The following WDR7 variants were observed in gnomAD, a reference collection of about 807,000 sequenced individuals.
WDR7 encodes the protein WD repeat domain 7, also known as WD repeat-containing protein 7.
Under a neutral mutation model 169.4 loss-of-function variants are expected in WDR7, and 46 were observed. That is an observed-to-expected ratio of 0.27 (90% CI 0.21 to 0.35). WDR7 has a LOEUF of 0.35. Ranked by LOEUF, WDR7 falls within the 10% of genes least tolerant of loss-of-function variation. The pLI, the probability that WDR7 is intolerant of heterozygous loss-of-function variation, is 1.00. For synonymous variants in WDR7, 612 were observed against 666.8 expected (o/e 0.92, Z 1.27); for missense variants, 1,534 against 1,859.3 (o/e 0.83, Z 3.22).
chr18:56,880,237 C>T (rs1369745400), intron 21 of WDR7, 72 bp downstream of exon 21: 3 of 1,409,190 alleles, frequency 2.1e-6, no homozygotes, highest in African/African-American at 2.9e-5. Context: ...AATCTCATAA[C>T]ATTGACTATA....
chr18:56,754,333 A>G (rs1328013747), intron 14 of WDR7, among the ~76,000 whole-genome samples: 1 of 139,012 alleles, frequency 7.2e-6, no homozygotes, highest in African/African-American at 3.3e-5. Context: ...GTGTATATAT[A>G]CGTATATATG....
intron 25 of WDR7, among the ~76,000 whole-genome samples, chr18:56,950,344 AG>A (rs1262438226): frequency 6.6e-6 from 1 of 152,212 alleles, no homozygotes; most frequent in African/African-American, 2.4e-5. Flanking sequence ...CTGCTAAACT[AG>A]TACGTGTCAG....
intron 21 of WDR7, among the ~76,000 whole-genome samples, chr18:56,910,931 A>G (rs1287286553): frequency 6.6e-6 from 1 of 152,126 alleles, no homozygotes; most frequent in Non-Finnish European, 1.5e-5. Flanking sequence ...GTTATTGTGT[A>G]TCCTTTTGTT....
At position 57,029,678 on chromosome 18, in the gene WDR7, G is replaced by C. The variant is rs957697530; in HGVS notation, c.*2471G>C. On this transcript the variant is annotated 3_prime_UTR_variant, in exon 28 of 28. Coordinates refer to ENST00000254442, the MANE Select transcript of WDR7 (RefSeq NM_015285.3). ...TGATTGAACTCCCTGTGTACAGCGA[G>C]TGAATTAAAATGTCTGCCTCTCCAG... 6.6e-6 allele frequency: 1 copy of C among 152,156 alleles called. No individual in the cohort carries two copies. Among genetic ancestry groups the C allele is most frequent in the African/African-American group, 2.4e-5 (1 of 41,428 alleles). The allele number at this position is 152,156 out of a possible 1,614,324, so 9.4% of individuals were successfully genotyped here. A position where few individuals can be genotyped will look rare whatever the true frequency, so the allele number is the denominator to read the frequency against.
At chr18:56,699,966 A>C in intron 12 of WDR7, 2 of 803,766 alleles carry the variant, frequency 2.5e-6, no homozygotes, top group Non-Finnish European at 3.0e-6. Flanking sequence ...AGCTGTTTTT[A>C]ATATCTTTTT....
intron 20 of WDR7, among the ~76,000 whole-genome samples, chr18:56,819,701 G>C (rs984003542): frequency 1.3e-5 from 2 of 152,068 alleles, no homozygotes; most frequent in African/African-American, 4.8e-5. Context: ...CATGGGAAAT[G>C]TACTTTTCAA....
chr18:56,730,728 T>C (rs922127046), intron 13 of WDR7, among the ~76,000 whole-genome samples: 6 of 152,024 alleles, frequency 3.9e-5, no homozygotes, highest in Non-Finnish European at 8.8e-5. Flanking sequence ...ATCGCGCCAT[T>C]GCACTCCAGC....
intron 26 of WDR7, among the ~76,000 whole-genome samples, chr18:57,003,362 T>A (rs1422927304): frequency 1.3e-5 from 2 of 152,146 alleles, no homozygotes; most frequent in Non-Finnish European, 2.9e-5. Context: ...TGCTTTTAGA[T>A]CTGCCTCAAT....
chr18:56,771,465 T>C (rs2044155430), intron 16 of WDR7, among the ~76,000 whole-genome samples: 1 of 151,962 alleles, frequency 6.6e-6, no homozygotes, highest in African/African-American at 2.4e-5. Context: ...CTCATGCCTT[T>C]AGTCCCAGGA....
intron 16 of WDR7, among the ~76,000 whole-genome samples, chr18:56,772,203 A>G (rs1171617367): frequency 2.0e-5 from 3 of 152,134 alleles, no homozygotes; most frequent in Non-Finnish European, 4.4e-5. Flanking sequence ...TACTATTACT[A>G]TATAGAGTAC....
chr18:56,979,439 A>G (rs961742675), intron 26 of WDR7, among the ~76,000 whole-genome samples: 4 of 152,108 alleles, frequency 2.6e-5, no homozygotes, highest in Non-Finnish European at 5.9e-5. Context: ...GCCCTTTTTG[A>G]TGTCTTTTCA....
At position 56,776,812 on chromosome 18, in the gene WDR7, A is replaced by T. The variant is rs1213545532; in HGVS notation, c.2879A>T (p.Asp960Val). ...VAAPVVSARS[D>V]ADHSGSDPPS... ...GCACCTGTCGTTTCCGCTCGGTCTG[A>T]TGCTGATCACTCTGGCTCTGACCCT... Residue 960 changes from aspartate to valine, a missense_variant, in exon 17 of 28, where the codon GAT (aspartate) becomes GTT (valine). Physicochemically the swap from Asp to Val is radical, Grantham distance 152. Coordinates refer to ENST00000254442, the MANE Select transcript of WDR7 (RefSeq NM_015285.3). 4 of 1,613,842 alleles carry T rather than the reference A, an allele frequency of 2.5e-6. No individual in the cohort carries two copies. Among genetic ancestry groups the T allele is most frequent in the South Asian group, 1.1e-5 (1 of 91,066 alleles).
intron 26 of WDR7, among the ~76,000 whole-genome samples, chr18:56,964,294 C>T (rs986001683): frequency 1.3e-5 from 2 of 150,420 alleles, no homozygotes; most frequent in South Asian, 2.1e-4. Context: ...AAAAGACATT[C>T]TTTCTTAACA....
At chr18:56,709,884 C>A (rs917713159) in intron 12 of WDR7, among the ~76,000 whole-genome samples, 1 of 151,702 alleles carries the variant, frequency 6.6e-6, no homozygotes, top group Admixed American at 6.6e-5. Flanking sequence ...AGTTTTCATT[C>A]CACCTTGATT....
At chr18:56,878,952 TA>T (rs1380517442) in intron 20 of WDR7, among the ~76,000 whole-genome samples, 39 of 152,370 alleles carry the variant, frequency 2.6e-4, no homozygotes, top group African/African-American at 8.9e-4. Flanking sequence ...TGTACAAAAG[TA>T]ATCGCTATTT....
At chr18:56,856,899 A>G (rs2045729917) in intron 20 of WDR7, among the ~76,000 whole-genome samples, 1 of 152,152 alleles carries the variant, frequency 6.6e-6, no homozygotes, top group Non-Finnish European at 1.5e-5. Flanking sequence ...TCTCCCTTAT[A>G]TGATTATATT....
intron 25 of WDR7, among the ~76,000 whole-genome samples, chr18:56,947,625 G>A (rs867333668): frequency 1.3e-5 from 2 of 152,286 alleles, no homozygotes; most frequent in Middle Eastern, 3.4e-3. Flanking sequence ...CAATCAACAC[G>A]GAGTGTGCCA....
intron 26 of WDR7, among the ~76,000 whole-genome samples, chr18:56,967,719 T>C (rs2047430217): frequency 6.6e-6 from 1 of 152,182 alleles, no homozygotes; most frequent in Non-Finnish European, 1.5e-5. Flanking sequence ...GGGTGGAGTA[T>C]CCACAGGGAA....
rs747492640 is a variant in WDR7 at position 56,924,030 on chromosome 18, G to C, written c.3635G>C (p.Trp1212Ser). 1.2e-6 allele frequency: 2 copies of C among 1,612,712 alleles called. No homozygotes were observed. Among genetic ancestry groups the C allele is most frequent in the African/African-American group, 2.7e-5 (2 of 74,842 alleles). The change falls in exon 22 of 28, where the codon TGG (tryptophan) becomes TCG (serine). Residue 1212 changes from tryptophan (W) to serine (S), a missense_variant. Trp to Ser is a radical substitution (Grantham distance 177). Coordinates refer to ENST00000254442, the MANE Select transcript of WDR7 (RefSeq NM_015285.3). ...CTGATTGGACGTGGGTTCACTGTTT[G>C]GGAGCCTTACATGGATGTGTCCGCT... The part of the protein sequence containing the change: ...IDLIGRGFTV[W>S]EPYMDVSAVL...
Sources: allele counts gnomAD v4.1 joint callset (sites outside exome capture counted in the v4.1 genomes callset), GRCh38; gene constraint gnomAD v4.1.1; transcripts MANE v1.5; gene names NCBI Gene and HGNC (gene_info 2026-07-23, HGNC 2026-07-21).